The following LHFPL3 variants were observed in gnomAD, a reference collection of about 807,000 sequenced individuals.
The protein encoded by LHFPL3 is LHFPL tetraspan subfamily member 3 protein.
A neutral mutation model predicts 19.3 loss-of-function variants in LHFPL3; 5 were observed. The observed-to-expected ratio is 0.26, with a 90% CI of 0.14 to 0.54. The LOEUF (loss-of-function observed/expected upper bound fraction) is 0.54. Ranked by LOEUF, LHFPL3 falls within the 20% of genes least tolerant of loss-of-function variation. The pLI is 0.94. For synonymous variants in LHFPL3, 133 were observed against 126.2 expected, an observed-to-expected ratio of 1.05 and a Z score of -0.36; for missense variants, 249 against 307.4, an observed-to-expected ratio of 0.81 and a Z score of 1.42.
intron 2 of LHFPL3, among the ~76,000 whole-genome samples, chr7:104,850,012 G>T (rs1791386174): frequency 6.6e-6 from 1 of 152,208 alleles, no homozygotes; most frequent in Non-Finnish European, 1.5e-5. Context: ...AGTAATTGTG[G>T]TTTTTTTAGG....
chr7:104,393,400 A>C (rs1448311749), intron 1 of LHFPL3, among the ~76,000 whole-genome samples: 1 of 152,014 alleles, frequency 6.6e-6, no homozygotes, highest in African/African-American at 2.4e-5. Flanking sequence ...AAAAAAAATT[A>C]TGTTCATCAA....
At chr7:104,562,467 G>C (rs1240999788) in intron 1 of LHFPL3, among the ~76,000 whole-genome samples, 2 of 151,980 alleles carry the variant, frequency 1.3e-5, no homozygotes, top group African/African-American at 4.8e-5. Flanking sequence ...TCTTCCAATT[G>C]ATCGCATCGG....
intron 2 of LHFPL3, among the ~76,000 whole-genome samples, chr7:104,743,659 C>A (rs1181769545): frequency 6.6e-6 from 1 of 152,074 alleles, no homozygotes; most frequent in Non-Finnish European, 1.5e-5. Context: ...TCTGCAATAA[C>A]CCTGTGAGAT....
Position 104,675,086 on chromosome 7 carries a change from T to G in LHFPL3, c.446-61589T>G, listed in dbSNP as rs184369442. 6.6e-5 allele frequency among the ~76,000 whole-genome samples: 10 copies of G among 152,292 alleles called. No homozygotes were observed. The East Asian group carries it at 1.9e-3, about 29-fold the overall frequency. On this transcript the variant is annotated intron_variant, in intron 1 of 2. Coordinates refer to ENST00000424859, the MANE Select transcript of LHFPL3 (RefSeq NM_199000.3). ...AAAGTAAGTAAATGTATGTGTCAGG[T>G]GGCGATAAATACTTTGGAGAAAAAT...
intron 1 of LHFPL3, among the ~76,000 whole-genome samples, chr7:104,538,747 G>C (rs1371657199): frequency 1.3e-5 from 2 of 152,186 alleles, no homozygotes; most frequent in East Asian, 3.8e-4. Flanking sequence ...AATAGTCCCT[G>C]AAGATGTCCA....
intron 1 of LHFPL3, among the ~76,000 whole-genome samples, chr7:104,500,484 G>A (rs547176567): frequency 3.0e-4 from 45 of 152,226 alleles, no homozygotes; most frequent in African/African-American, 9.1e-4. Context: ...CTACGAAACC[G>A]CAATTTCAGT....
chr7:104,477,695 C>T (rs1337530194), intron 1 of LHFPL3, among the ~76,000 whole-genome samples: 1 of 151,974 alleles, frequency 6.6e-6, no homozygotes, highest in African/African-American at 2.4e-5. Flanking sequence ...AACAAACCCC[C>T]ATGACACAAG....
At chr7:104,708,170 G>A (rs76743575) in intron 1 of LHFPL3, among the ~76,000 whole-genome samples, 1,981 of 152,248 alleles carry the variant, frequency 0.013, 37 homozygotes, top group African/African-American at 0.044. Context: ...GCCAACTTTC[G>A]CGGTCCATAG....
intron 1 of LHFPL3, among the ~76,000 whole-genome samples, chr7:104,505,797 C>T (rs77630222): frequency 2.0e-5 from 3 of 152,114 alleles, no homozygotes; most frequent in African/African-American, 4.8e-5. Context: ...AATATAAAAG[C>T]TAATCTCTTT....
intron 2 of LHFPL3, among the ~76,000 whole-genome samples, chr7:104,897,569 T>G (rs901348476): frequency 1.3e-5 from 2 of 152,198 alleles, no homozygotes; most frequent in Non-Finnish European, 2.9e-5. Flanking sequence ...CACAGCTTCC[T>G]GGAGGAGAGA....
intron 1 of LHFPL3, among the ~76,000 whole-genome samples, chr7:104,670,124 C>G (rs182263338): frequency 6.6e-6 from 1 of 150,628 alleles, no homozygotes; most frequent in Middle Eastern, 3.2e-3. Flanking sequence ...TGGGGGACAG[C>G]CTAGAGGGAA....
At chr7:104,879,548 C>G (rs1025968546) in intron 2 of LHFPL3, among the ~76,000 whole-genome samples, 2 of 152,070 alleles carry the variant, frequency 1.3e-5, no homozygotes, top group African/African-American at 4.8e-5. Flanking sequence ...GGCAAGATCC[C>G]ATCTCCACAA....
intron 1 of LHFPL3, chr7:104,667,896 G>A: frequency 6.2e-7 from 1 of 1,612,676 alleles, no homozygotes; most frequent in Non-Finnish European, 8.5e-7. Context: ...CCTGGAAGGA[G>A]ATGTTTCTAC....
chr7:104,410,606 A>G, intron 1 of LHFPL3, among the ~76,000 whole-genome samples: 1 of 152,280 alleles, frequency 6.6e-6, no homozygotes, highest in Admixed American at 6.5e-5. Context: ...ATATTTCACC[A>G]TTAAACTGAC....
chr7:104,440,114 G>A (rs762017660), intron 1 of LHFPL3, among the ~76,000 whole-genome samples: 12 of 147,986 alleles, frequency 8.1e-5, no homozygotes, highest in Admixed American at 2.7e-4. Flanking sequence ...CCAGCATGGC[G>A]CATGTATACA....
At chr7:104,861,724 G>A (rs755276446) in intron 2 of LHFPL3, among the ~76,000 whole-genome samples, 17 of 152,176 alleles carry the variant, frequency 1.1e-4, no homozygotes, top group Non-Finnish European at 1.9e-4. Flanking sequence ...GTCAAGCACC[G>A]AGCTTCCTGG....
At chr7:104,731,080 G>A (rs1186772137) in intron 1 of LHFPL3, among the ~76,000 whole-genome samples, 1 of 151,960 alleles carries the variant, frequency 6.6e-6, no homozygotes, top group African/African-American at 2.4e-5. Flanking sequence ...ATTTCTGAGG[G>A]CTCTGTTCTG....
In LHFPL3 at chr7:104,840,050, T is replaced by A. The variant is rs73417652; in HGVS notation, c.683-66137T>A. 6.4e-3 allele frequency among the ~76,000 whole-genome samples: 973 copies of A among 152,038 alleles called. 15 individuals carry two copies. The highest frequency in any genetic ancestry group is 0.023 in the African/African-American group (936 of 41,502). ...AAGATTAATTGACAATTATAATCAA[T>A]AATTATTAAGTATAATTATTAATGA... is the stretch of plus-strand genomic sequence containing the variant. On this transcript the variant is annotated intron_variant, in intron 2 of 2. Transcript: ENST00000424859.
intron 1 of LHFPL3, among the ~76,000 whole-genome samples, chr7:104,685,322 G>C (rs996674171): frequency 6.6e-6 from 1 of 152,148 alleles, no homozygotes; most frequent in Non-Finnish European, 1.5e-5. Flanking sequence ...ACTTCAGCCT[G>C]GCAACAGAGT....
Sources: allele counts gnomAD v4.1 joint callset (sites outside exome capture counted in the v4.1 genomes callset), GRCh38; gene constraint gnomAD v4.1.1; transcripts MANE v1.5; gene names NCBI Gene and HGNC (gene_info 2026-07-23, HGNC 2026-07-21).